RNF135: variants seen among roughly 807,000 people sequenced by gnomAD.
RNF135 encodes ring finger protein 135, also known as E3 ubiquitin-protein ligase RNF135.
In RNF135, 46 loss-of-function variants were observed where a neutral mutation model predicts 41.9. The observed-to-expected ratio is 1.10, with a 90% CI of 0.87 to 1.40. The LOEUF (loss-of-function observed/expected upper bound fraction) is 1.40, where lower values mean the gene tolerates loss of function less well. Ranked by LOEUF, RNF135 falls within the 40% of genes most tolerant of loss-of-function variation. The pLI, the probability that RNF135 is intolerant of heterozygous loss-of-function variation, is 0.00. For synonymous variants in RNF135, 238 were observed against 223.8 expected (o/e 1.06, Z -0.57); for missense variants, 539 against 549.8 (o/e 0.98, Z 0.20).
At position 30,992,002 on chromosome 17, in the gene RNF135, G is replaced by A. The variant is rs114903164; in HGVS notation, c.679+3896G>A. Among the ~76,000 whole-genome samples the A allele has an allele frequency of 4.2e-3, 638 of 150,810 alleles. 3 individuals are homozygous for A. Among genetic ancestry groups the A allele is most frequent in the African/African-American group, 0.015 (615 of 40,990 alleles). On this transcript the variant is annotated intron_variant, in intron 3 of 4. Coordinates refer to ENST00000328381, the MANE Select transcript of RNF135 (RefSeq NM_032322.4). The stretch of plus-strand genomic sequence containing the variant: ...GGCTGGAGTACAAAGGTGTGATCTG[G>A]CTCACTGTAATATCTGTCTCCTGGG...
chr17:30,964,685 AT>A, the RNF135 span, among the ~76,000 whole-genome samples: 1 of 150,178 alleles, frequency 6.7e-6, no homozygotes, highest in Non-Finnish European at 1.5e-5. Flanking sequence ...ATCATTTCTT[AT>A]CTTTTTTTTT....
At chr17:30,979,958 C>T (rs1454763906) in intron 1 of RNF135, among the ~76,000 whole-genome samples, 4 of 107,092 alleles carry the variant, frequency 3.7e-5, no homozygotes, top group East Asian at 6.1e-4. Flanking sequence ...CCTCACCTCC[C>T]GGACGGGGCG....
chr17:30,974,543 G>GA (rs1906265038), intron 1 of RNF135, among the ~76,000 whole-genome samples: 1 of 151,098 alleles, frequency 6.6e-6, no homozygotes, highest in Non-Finnish European at 1.5e-5. Context: ...CTAAAACACA[G>GA]AATGTCTTTT....
upstream of RNF135, chr17:30,968,833 G>C (rs1905665999): frequency 6.6e-6 from 1 of 152,146 alleles, no homozygotes; most frequent in African/African-American, 2.4e-5. Flanking sequence ...CTGGTTCCAG[G>C]GAGGCTCAGG....
intron 3 of RNF135, among the ~76,000 whole-genome samples, chr17:30,995,130 G>A (rs1195263964): frequency 6.7e-6 from 1 of 149,928 alleles, no homozygotes; most frequent in East Asian, 2.1e-4. Context: ...GCTTACGCCT[G>A]TAATCATAGC....
chr17:30,996,023 C>T (rs576420991), intron 3 of RNF135, among the ~76,000 whole-genome samples: 40 of 151,202 alleles, frequency 2.6e-4, no homozygotes, highest in African/African-American at 3.6e-4. Context: ...GTGATCCGCC[C>T]GCCTCAGCCT....
intron 2 of RNF135, 119 bp from the exon 3 acceptor site, chr17:30,987,825 T>C: frequency 1.7e-5 from 18 of 1,080,278 alleles, no homozygotes; most frequent in Non-Finnish European, 2.4e-5. Flanking sequence ...AATTTTGTTT[T>C]TAAAAACTTG....
chr17:30,962,634 T>A, the RNF135 span, among the ~76,000 whole-genome samples: 1 of 151,996 alleles, frequency 6.6e-6, no homozygotes, highest in Admixed American at 6.6e-5. Flanking sequence ...CCGGCTACTT[T>A]TTTGTATTTT....
At chr17:30,970,825 G>A (rs972486299), upstream of RNF135, 7 of 564,572 alleles carry the variant, frequency 1.2e-5, no homozygotes, top group African/African-American at 2.0e-5. Context: ...CTAGCAGCTC[G>A]CGGCATGTTG....
chr17:30,998,594 G>T (rs1233474150), intron 4 of RNF135, 68 bp from the exon 5 acceptor site: 2 of 1,501,332 alleles, frequency 1.3e-6, no homozygotes, highest in Admixed American at 1.7e-5. Context: ...GCTATTTGAA[G>T]ACTTCTTAGC....
chr17:30,981,118 G>A (rs1278467044), intron 1 of RNF135, among the ~76,000 whole-genome samples: 2 of 149,422 alleles, frequency 1.3e-5, no homozygotes, highest in Middle Eastern at 6.9e-3. Context: ...GGCACCTCGG[G>A]AGGCCGAGGC....
At chr17:30,979,558 A>G (rs1254656784) in intron 1 of RNF135, among the ~76,000 whole-genome samples, 1 of 51,070 alleles carries the variant, frequency 2.0e-5, no homozygotes, top group Non-Finnish European at 4.3e-5. Flanking sequence ...TCCCTCCCGG[A>G]CGGGGCGGCT....
upstream of RNF135, among the ~76,000 whole-genome samples, chr17:30,969,902 T>C (rs990124410): frequency 2.0e-5 from 3 of 152,038 alleles, no homozygotes; most frequent in Non-Finnish European, 4.4e-5. Flanking sequence ...GTAGCTGGGA[T>C]TACAGGCATG....
At chr17:30,968,157 G>A (rs1290118193), upstream of RNF135, among the ~76,000 whole-genome samples, 1 of 151,168 alleles carries the variant, frequency 6.6e-6, no homozygotes, top group Admixed American at 6.6e-5. Flanking sequence ...GCATGGTGGC[G>A]AGCGCCTGTA....
At chr17:30,983,353 A>ATATATATTTTTT (rs1420453160) in intron 1 of RNF135, among the ~76,000 whole-genome samples, 12 of 35,736 alleles carry the variant, frequency 3.4e-4, no homozygotes, top group Non-Finnish European at 4.8e-4. Context: ...ATATATATAT[A>ATATATATTTTTT]TTTTTTTTTT....
At chr17:30,993,310 C>G (rs542045378) in intron 3 of RNF135, among the ~76,000 whole-genome samples, 1 of 152,090 alleles carries the variant, frequency 6.6e-6, no homozygotes, top group Non-Finnish European at 1.5e-5. Context: ...ATCTGCCTGC[C>G]TTTGCCTGCC....
chr17:30,994,540 A>C (rs967259830), intron 3 of RNF135, among the ~76,000 whole-genome samples: 2 of 152,122 alleles, frequency 1.3e-5, no homozygotes, highest in African/African-American at 4.8e-5. Flanking sequence ...ACAACAACAA[A>C]AAAAGTAGCA....
the RNF135 span, among the ~76,000 whole-genome samples, chr17:30,961,462 C>T: frequency 6.6e-6 from 1 of 151,950 alleles, no homozygotes; most frequent in Non-Finnish European, 1.5e-5. Flanking sequence ...CCTCTCCTCT[C>T]CTGTCCTTTC....
In RNF135 at chr17:30,998,862, C is replaced by T; in HGVS notation, c.970C>T (p.His324Tyr). The change falls in exon 5 of 5, where the codon CAC becomes TAC. Residue 324 changes from histidine (H) to tyrosine (Y), a missense_variant. His to Tyr is a moderately conservative substitution (Grantham distance 83). Coordinates refer to ENST00000328381, the MANE Select transcript of RNF135 (RefSeq NM_032322.4). ...GGAAGTGGACACTAGGAATTGCAGC[C>T]ACTGGGCAGTTGGGGTGGCTTCCTG... ...YWEVDTRNCS[H>Y]WAVGVASWEM... The T allele has an allele frequency of 6.2e-7, 1 of 1,612,768 alleles. No individual in the cohort carries two copies. Among genetic ancestry groups the T allele is most frequent in the Non-Finnish European group, 8.5e-7 (1 of 1,179,192 alleles).
Sources: gnomAD v4.1 joint callset for allele counts (sites outside exome capture counted in the v4.1 genomes callset) on GRCh38, gnomAD v4.1.1 for gene constraint, MANE v1.5 for transcripts, NCBI Gene and HGNC (gene_info 2026-07-23, HGNC 2026-07-21) for gene names.